Variants in SLCO1C1 observed in about 807,000 individuals in gnomAD.
SLCO1C1 encodes solute carrier organic anion transporter family member 1C1.
Under a neutral mutation model 76.4 loss-of-function variants are expected in SLCO1C1, and 70 were observed. The observed-to-expected ratio is 0.92, with a 90% CI of 0.76 to 1.12. The LOEUF (loss-of-function observed/expected upper bound fraction) is 1.12, where lower values mean the gene tolerates loss of function less well. Among genes scored for constraint, SLCO1C1 ranks in the 50% most tolerant of loss-of-function variants. The pLI, the probability that SLCO1C1 is intolerant of heterozygous loss-of-function variation, is 0.00. For synonymous variants in SLCO1C1, 306 were observed against 286.1 expected, an observed-to-expected ratio of 1.07 and a Z score of -0.70; for missense variants, 912 against 823.8, an observed-to-expected ratio of 1.11 and a Z score of -1.31.
chr12:20,726,575 A>G (rs1948010544), intron 9 of SLCO1C1, among the ~76,000 whole-genome samples: 1 of 152,208 alleles, frequency 6.6e-6, no homozygotes, highest in Non-Finnish European at 1.5e-5. Flanking sequence ...AAGAGCTAGG[A>G]AGCATTTGTG....
intron 3 of SLCO1C1, among the ~76,000 whole-genome samples, chr12:20,702,108 T>C (rs1202659741): frequency 6.6e-6 from 1 of 151,934 alleles, no homozygotes; most frequent in Non-Finnish European, 1.5e-5. Context: ...GTCTGCTTCC[T>C]GAATTGATAA....
At chr12:20,743,160 C>T (rs1239036568) in intron 12 of SLCO1C1, 145 bp from the exon 13 acceptor site, 2 of 633,506 alleles carry the variant, frequency 3.2e-6, no homozygotes, top group East Asian at 2.6e-5. Flanking sequence ...TTTTGCCCTC[C>T]CTATGTTAGC....
chr12:20,721,380 A>G (rs1947661173), intron 7 of SLCO1C1, among the ~76,000 whole-genome samples: 1 of 152,204 alleles, frequency 6.6e-6, no homozygotes, highest in East Asian at 1.9e-4. Flanking sequence ...AGCCATCAAC[A>G]TTGAGATGGG....
intron 6 of SLCO1C1, among the ~76,000 whole-genome samples, chr12:20,715,873 C>G (rs534023891): frequency 1.4e-4 from 21 of 152,242 alleles, no homozygotes; most frequent in African/African-American, 4.3e-4. Flanking sequence ...TCTGAAAAAC[C>G]AAAATAATAT....
chr12:20,742,564 C>T (rs985162994), intron 12 of SLCO1C1, among the ~76,000 whole-genome samples: 9 of 137,210 alleles, frequency 6.6e-5, no homozygotes, highest in Non-Finnish European at 8.2e-5. Context: ...GATGGAGTCT[C>T]GCTCTGTCAC....
intron 7 of SLCO1C1, among the ~76,000 whole-genome samples, chr12:20,717,636 C>G (rs1841786520): frequency 7.9e-6 from 1 of 126,794 alleles, no homozygotes; most frequent in Non-Finnish European, 1.6e-5. Context: ...TACTGGCAAC[C>G]AAACAGCCCT....
intron 14 of SLCO1C1, among the ~76,000 whole-genome samples, chr12:20,751,537 A>T (rs1443376133): frequency 6.6e-6 from 1 of 152,164 alleles, no homozygotes; most frequent in Non-Finnish European, 1.5e-5. Flanking sequence ...ACCATTTTGA[A>T]TAAATTTGTT....
In SLCO1C1 at chr12:20,752,359, G is replaced by A. The variant is rs1329198100; in HGVS notation, c.1970G>A (p.Ser657Asn). Reference protein sequence around the residue: ...VILGTVSILLSIAVLFILKKN... With the variant: ...VILGTVSILLNIAVLFILKKN... ...CTGGGCACAGTGTCAATTCTCCTAA[G>A]CATTGCAGTACTTTTCATTTTAAAG... Residue 657 changes from serine to asparagine, a missense_variant, in exon 15 of 15, where the codon AGC (serine) becomes AAC (asparagine). Ser to Asn is a conservative substitution (Grantham distance 46, BLOSUM62 1). Coordinates refer to ENST00000266509, the MANE Select transcript of SLCO1C1 (RefSeq NM_017435.5). 6.2e-7 allele frequency: 1 copy of A among 1,612,790 alleles called. No individual in the cohort carries two copies. The highest frequency in any genetic ancestry group is 8.5e-7 in the Non-Finnish European group (1 of 1,179,190).
At chr12:20,698,900 T>C (rs182247215) in intron 1 of SLCO1C1, among the ~76,000 whole-genome samples, 1 of 152,048 alleles carries the variant, frequency 6.6e-6, no homozygotes, top group Admixed American at 6.6e-5. Flanking sequence ...CGGTGGGAAA[T>C]TGAGCATGGG....
In SLCO1C1 at chr12:20,721,461, CT is replaced by C. The variant is rs77419982; in HGVS notation, c.776-334del. Among the ~76,000 whole-genome samples, 1,558 of 151,556 alleles carry C rather than the reference CT, an allele frequency of 0.01. 109 individuals carry two copies. The East Asian group carries it at 0.19, about 19-fold the overall frequency. ...ATTATTAGCATTTTTTAAGCAATAACTTTTTTTTTAAATGAAGGTATGTACA... is the reference window on the plus strand; with the variant it reads ...ATTATTAGCATTTTTTAAGCAATAACTTTTTTTTAAATGAAGGTATGTACA... On this transcript the variant is annotated intron_variant, in intron 7 of 14. Transcript: ENST00000266509.
In SLCO1C1 at chr12:20,750,536, T is replaced by A. The variant is rs972506; in HGVS notation, c.1799-139T>A. 5 of 720,178 alleles carry A rather than the reference T, an allele frequency of 6.9e-6. No individual in the cohort carries two copies. The Admixed American group carries it at 9.6e-5, about 14-fold the overall frequency. 44.6% of individuals were successfully genotyped at this position (720,178 alleles called of 1,614,324 possible). A position where few individuals can be genotyped will look rare whatever the true frequency, so the allele number is the denominator to read the frequency against. On this transcript the variant is annotated intron_variant, in intron 13 of 14. Coordinates refer to ENST00000266509, the MANE Select transcript of SLCO1C1 (RefSeq NM_017435.5). ...AAAAGACTGGATTAGAGAGATAGGT[T>A]TGGGAGATTTCAGCATGTAATTGAT...
At chr12:20,712,314 G>A (rs1947148320) in intron 5 of SLCO1C1, among the ~76,000 whole-genome samples, 1 of 152,138 alleles carries the variant, frequency 6.6e-6, no homozygotes, top group Non-Finnish European at 1.5e-5. Flanking sequence ...CTATATCACT[G>A]TAGACACTGG....
chr12:20,724,551 TTTC>T (rs1947866122), intron 9 of SLCO1C1, among the ~76,000 whole-genome samples: 1 of 147,492 alleles, frequency 6.8e-6, no homozygotes, highest in Non-Finnish European at 1.5e-5. Flanking sequence ...AGTCAAAACT[TTTC>T]CCCAAAGCTA....
Position 20,737,183 on chromosome 12 carries a change from T to C in SLCO1C1, c.1459T>C (p.Trp487Arg). 1 of 1,567,554 alleles carries C rather than the reference T, an allele frequency of 6.4e-7. No homozygotes were observed. Among genetic ancestry groups the C allele is most frequent in the Non-Finnish European group, 8.6e-7 (1 of 1,163,194 alleles). Residue 487 changes from tryptophan to arginine, a missense_variant, in exon 11 of 15, where the codon TGG (tryptophan) becomes CGG (arginine). Transcript: ENST00000266509. The stretch of plus-strand genomic sequence containing the variant: ...AAGATGCAAATGTTCAGAGACAAAA[T>C]GGGAACCCATGTGCGGTGAAAATGG... ...NSRCKCSETK[W>R]EPMCGENGIT...
chr12:20,706,205 A>G, intron 4 of SLCO1C1, 124 bp downstream of exon 4: 2 of 1,206,028 alleles, frequency 1.7e-6, no homozygotes, highest in South Asian at 4.1e-5. Context: ...CTTTTATTAC[A>G]TTCTCTTTGG....
chr12:20,741,810 T>C (rs879563484), intron 12 of SLCO1C1, among the ~76,000 whole-genome samples: 14 of 152,174 alleles, frequency 9.2e-5, no homozygotes, highest in Non-Finnish European at 1.3e-4. Context: ...TAAAAATCAC[T>C]TAAAATAATA....
At position 20,711,439 on chromosome 12, in the gene SLCO1C1, C is replaced by G; in HGVS notation, c.458C>G (p.Pro153Arg). 6.2e-7 allele frequency: 1 copy of G among 1,613,702 alleles called. No individual in the cohort carries two copies. Among genetic ancestry groups the G allele is most frequent in the Non-Finnish European group, 8.5e-7 (1 of 1,179,776 alleles). ...TCCAATTCCACTCTCAGCATCTCTC[C>G]GTGTCTCCTAGAGTCAAGCAGTCAA... ...PSSNSTLSIS[P>R]CLLESSSQLP... Residue 153 changes from proline to arginine, a missense_variant, in exon 5 of 15, where the codon CCG (proline) becomes CGG (arginine). Transcript: ENST00000266509.
intron 8 of SLCO1C1, 110 bp downstream of exon 8, chr12:20,722,159 A>G: frequency 1.5e-6 from 2 of 1,377,696 alleles, no homozygotes; most frequent in Admixed American, 2.7e-5. Context: ...TTGAGAAACC[A>G]TATCAGAAGC....
chr12:20,743,725 AATATAT>A (rs141308547), intron 13 of SLCO1C1, among the ~76,000 whole-genome samples: 65,594 of 151,332 alleles, frequency 0.43, 16,863 homozygotes, highest in South Asian at 0.63. Context: ...CTGAAGCCTA[AATATAT>A]TTTTTTTCAG....
Sources: gnomAD v4.1 joint callset for allele counts (sites outside exome capture counted in the v4.1 genomes callset) on GRCh38, gnomAD v4.1.1 for gene constraint, MANE v1.5 for transcripts, NCBI Gene and HGNC (gene_info 2026-07-23, HGNC 2026-07-21) for gene names.